The following PTPN13 variants were observed in gnomAD, a reference collection of about 807,000 sequenced individuals.
PTPN13 encodes the protein tyrosine-protein phosphatase non-receptor type 13.
Under a neutral mutation model 284.0 loss-of-function variants are expected in PTPN13, and 191 were observed. The ratio of observed to expected loss-of-function variants is 0.67; its 90% CI spans 0.60 to 0.76. The LOEUF (loss-of-function observed/expected upper bound fraction) is 0.76. PTPN13 is among the 30% of genes least tolerant of loss of function. The pLI is 0.00. For synonymous variants in PTPN13, 986 were observed against 1,022.3 expected, an observed-to-expected ratio of 0.96 and a Z score of 0.68; for missense variants, 2,797 against 2,939.9, an observed-to-expected ratio of 0.95 and a Z score of 1.12.
chr4:86,762,049 T>TGCAG (rs1169317375), intron 23 of PTPN13, among the ~76,000 whole-genome samples: 1 of 152,036 alleles, frequency 6.6e-6, no homozygotes, highest in Admixed American at 6.6e-5. Context: ...CACTGCTCAC[T>TGCAG]GCAGGCTCCG....
chr4:86,628,604 A>C, intron 1 of PTPN13, among the ~76,000 whole-genome samples: 1 of 131,282 alleles, frequency 7.6e-6, no homozygotes, highest in Non-Finnish European at 1.6e-5. Flanking sequence ...TGCACCCACT[A>C]ACGTGTCATC....
At chr4:86,802,493 C>T (rs903708102) in intron 42 of PTPN13, among the ~76,000 whole-genome samples, 3 of 151,926 alleles carry the variant, frequency 2.0e-5, no homozygotes, top group African/African-American at 7.3e-5. Flanking sequence ...CAAAAAGAAA[C>T]AACATAAACT....
At chr4:86,771,020 A>G (rs1739932348) in intron 30 of PTPN13, 151 bp from the exon 31 acceptor site, 1 of 742,310 alleles carries the variant, frequency 1.3e-6, no homozygotes, top group Non-Finnish European at 2.1e-6. Flanking sequence ...GTTATTTTAT[A>G]TATTATTTTC....
chr4:86,662,401 G>A (rs566842998), intron 2 of PTPN13, among the ~76,000 whole-genome samples: 83 of 152,058 alleles, frequency 5.5e-4, no homozygotes, highest in African/African-American at 1.7e-3. Flanking sequence ...GTGCAATCTC[G>A]GCTCACTGTA....
chr4:86,769,114 A>C (rs556822500), intron 28 of PTPN13, among the ~76,000 whole-genome samples: 9 of 152,198 alleles, frequency 5.9e-5, no homozygotes, highest in Non-Finnish European at 1.3e-4. Flanking sequence ...TTGTTCTTTT[A>C]ATTTATTTAG....
intron 2 of PTPN13, among the ~76,000 whole-genome samples, chr4:86,663,158 A>T (rs1239593585): frequency 1.3e-5 from 2 of 152,228 alleles, no homozygotes; most frequent in Non-Finnish European, 2.9e-5. Flanking sequence ...AGGGGAAAAG[A>T]AGTATCTCTT....
At chr4:86,709,456 A>G (rs1029882067) in intron 7 of PTPN13, among the ~76,000 whole-genome samples, 4 of 152,198 alleles carry the variant, frequency 2.6e-5, no homozygotes, top group East Asian at 3.9e-4. Flanking sequence ...ATGGAGTATT[A>G]CAATGTGGCT....
intron 41 of PTPN13, among the ~76,000 whole-genome samples, chr4:86,797,234 G>A (rs1177816483): frequency 6.6e-6 from 1 of 152,090 alleles, no homozygotes; most frequent in East Asian, 1.9e-4. Context: ...TCTCATGCCT[G>A]TAATCCCAGC....
intron 26 of PTPN13, 25 bp downstream of exon 26, chr4:86,765,513 A>C: frequency 6.9e-7 from 1 of 1,457,298 alleles, no homozygotes; most frequent in Admixed American, 2.0e-5. Context: ...TTATGTGGGA[A>C]TTATATGTAT....
chr4:86,761,259 C>T (rs1738660260), intron 23 of PTPN13, among the ~76,000 whole-genome samples: 1 of 150,492 alleles, frequency 6.6e-6, no homozygotes, highest in Non-Finnish European at 1.5e-5. Context: ...TATTCTGTTG[C>T]TATCCATGTA....
rs373326375 is a variant in PTPN13, at chr4:86,744,810, G to A, written c.2488-156G>A. Reference sequence around the variant, plus strand: ...TTGCACAATGACAAAATCGCCTCATGATGTATTTCTTGGAACATGTCTTTA... The same window carrying A: ...TTGCACAATGACAAAATCGCCTCATAATGTATTTCTTGGAACATGTCTTTA... On this transcript the variant is annotated intron_variant, in intron 16 of 47. Coordinates refer to ENST00000411767, the MANE Select transcript of PTPN13 (RefSeq NM_080683.3). 2.6e-5 allele frequency among the ~76,000 whole-genome samples: 4 copies of A among 152,254 alleles called. No homozygotes were observed. The South Asian group carries it at 6.2e-4, about 24-fold the overall frequency.
Position 86,775,294 on chromosome 4 carries a change from C to T in PTPN13, c.5632C>T (p.Pro1878Ser), listed in dbSNP as rs1262640351. 19 of 1,613,410 alleles carry T rather than the reference C, an allele frequency of 1.2e-5. No homozygotes were observed. The highest frequency in any genetic ancestry group is 1.6e-5 in the Non-Finnish European group (19 of 1,179,678). Residue 1878 changes from proline (P) to serine (S), a missense_variant, in exon 34 of 48, where the codon CCT becomes TCT. Physicochemically the swap from Pro to Ser is moderately conservative, Grantham distance 74. Transcript: ENST00000411767. Reference sequence around the variant, plus strand: ...AGAATTACCCAGAATACCAATGTTGCCTCATTTGCTACCGGACATAACACT... The same window carrying T: ...AGAATTACCCAGAATACCAATGTTGTCTCATTTGCTACCGGACATAACACT... ...VLELPRIPML[P>S]HLLPDITLTC...
intron 20 of PTPN13, among the ~76,000 whole-genome samples, chr4:86,754,059 A>G (rs1203393297): frequency 6.6e-6 from 1 of 152,058 alleles, no homozygotes; most frequent in Non-Finnish European, 1.5e-5. Flanking sequence ...ATTCTCTAAT[A>G]AAAATACACA....
Position 86,775,187 on chromosome 4 carries a change from T to C in PTPN13, c.5525T>C (p.Val1842Ala), listed in dbSNP as rs778641501. The change falls in exon 34 of 48, where the codon GTT becomes GCT. Residue 1842 changes from valine to alanine, a missense_variant. Physicochemically the swap from Val to Ala is moderately conservative, Grantham distance 64. Transcript: ENST00000411767. ...TTTTTGTAGGTTAATGATACAGATG[T>C]TACTAATATGACTCATACAGATGCA... The part of the protein sequence containing the change: ...DRLIKVNDTD[V>A]TNMTHTDAVN... 6.2e-7 allele frequency: 1 copy of C among 1,603,538 alleles called. No homozygotes were observed. Among genetic ancestry groups the C allele is most frequent in the East Asian group, 2.2e-5 (1 of 44,808 alleles).
rs763443944 is a variant in PTPN13, at chr4:86,750,732, T to A, written c.2913T>A (p.His971Gln). Residue 971 changes from histidine (H) to glutamine (Q), a missense_variant, in exon 18 of 48, where the codon CAT (histidine) becomes CAA (glutamine). Coordinates refer to ENST00000411767, the MANE Select transcript of PTPN13 (RefSeq NM_080683.3). Reference sequence around the variant, plus strand: ...CTAGAGAGATGAGTAAATCATACCATGATCTCAGTCAGGCCTCTCTCTATC... The same window carrying A: ...CTAGAGAGATGAGTAAATCATACCAAGATCTCAGTCAGGCCTCTCTCTATC... ...EKPREMSKSY[H>Q]DLSQASLYPH... 6.2e-7 allele frequency: 1 copy of A among 1,613,774 alleles called. No individual in the cohort carries two copies. The highest frequency in any genetic ancestry group is 1.1e-5 in the South Asian group (1 of 91,040).
Position 86,701,467 on chromosome 4 carries a change from C to A in PTPN13, c.861C>A (p.Ile287=). 1 of 1,613,868 alleles carries A rather than the reference C, an allele frequency of 6.2e-7. No homozygotes were observed. The change falls in exon 7 of 48, where the codon ATC becomes ATA. Residue 287 remains isoleucine, a synonymous_variant. Coordinates refer to ENST00000411767, the MANE Select transcript of PTPN13 (RefSeq NM_080683.3). ...CTAGTGGCCCAGAAAAAAAACCCAT[C>A]CCTGGCATTGATGTGCTTTCTAAGA... ...FKTSGPEKKP[I]PGIDVLSKKK...
At chr4:86,707,837 T>C (rs566206170) in intron 7 of PTPN13, among the ~76,000 whole-genome samples, 1 of 152,278 alleles carries the variant, frequency 6.6e-6, no homozygotes, top group South Asian at 2.1e-4. Context: ...TTCTGTAATA[T>C]TGGTCAAATA....
chr4:86,809,356 A>ATCT (rs1395069802), intron 45 of PTPN13, among the ~76,000 whole-genome samples: 1 of 152,172 alleles, frequency 6.6e-6, no homozygotes, highest in Non-Finnish European at 1.5e-5. Flanking sequence ...TTTTCCTTTG[A>ATCT]TCTGATCCTA....
intron 1 of PTPN13, among the ~76,000 whole-genome samples, chr4:86,623,159 A>AC (rs1721452762): frequency 6.6e-6 from 1 of 151,716 alleles, no homozygotes; most frequent in African/African-American, 2.4e-5. Flanking sequence ...GAGGCTGAAA[A>AC]CCTCCCGGGG....
Sources: allele counts gnomAD v4.1 joint callset (sites outside exome capture counted in the v4.1 genomes callset), GRCh38; gene constraint gnomAD v4.1.1; transcripts MANE v1.5; gene names NCBI Gene and HGNC (gene_info 2026-07-23, HGNC 2026-07-21).